Variants in MB21D2 observed in about 807,000 individuals in gnomAD.
The protein encoded by MB21D2 is Mab-21 domain containing 2.
Under a neutral mutation model 33.3 loss-of-function variants are expected in MB21D2, and 9 were observed. The observed-to-expected ratio is 0.27, with a 90% confidence interval of 0.16 to 0.47. The LOEUF is 0.47. Ranked by LOEUF, MB21D2 falls within the 20% of genes least tolerant of loss-of-function variation. The probability of loss-of-function intolerance (pLI) is 0.99; values close to 1 mark genes in which losing one functional copy is unlikely to be tolerated. For synonymous variants in MB21D2, 241 were observed against 236.3 expected (o/e 1.02, Z -0.18); for missense variants, 540 against 624.6 (o/e 0.86, Z 1.44).
chr3:192,815,168 G>A (rs1711893255), intron 1 of MB21D2, among the ~76,000 whole-genome samples: 1 of 152,178 alleles, frequency 6.6e-6, no homozygotes, highest in Non-Finnish European at 1.5e-5. Flanking sequence ...TTATATATGT[G>A]TTCCCCACAC....
At chr3:192,893,515 C>T (rs1445320198) in intron 1 of MB21D2, among the ~76,000 whole-genome samples, 1 of 152,128 alleles carries the variant, frequency 6.6e-6, no homozygotes, top group Non-Finnish European at 1.5e-5. Flanking sequence ...CTGAAGATGA[C>T]ACAGTAAGTG....
intron 1 of MB21D2, among the ~76,000 whole-genome samples, chr3:192,816,249 G>A (rs895880704): frequency 6.6e-6 from 1 of 151,832 alleles, no homozygotes; most frequent in African/African-American, 2.4e-5. Flanking sequence ...TCCGACTTGA[G>A]AAAGGTTATT....
chr3:192,889,157 C>CAAAT (rs1254723825), intron 1 of MB21D2, among the ~76,000 whole-genome samples: 1 of 152,090 alleles, frequency 6.6e-6, no homozygotes, highest in Non-Finnish European at 1.5e-5. Context: ...GATACACACA[C>CAAAT]AAATATACAG....
At chr3:192,828,047 C>T (rs904743318) in intron 1 of MB21D2, among the ~76,000 whole-genome samples, 37 of 152,138 alleles carry the variant, frequency 2.4e-4, no homozygotes, top group African/African-American at 8.7e-4. Flanking sequence ...TCTTGTCTGC[C>T]GCCATATAAG....
chr3:192,817,124 TTCCC>T (rs1297293840), intron 1 of MB21D2, among the ~76,000 whole-genome samples: 1 of 152,142 alleles, frequency 6.6e-6, no homozygotes, highest in East Asian at 1.9e-4. Context: ...ATTCTATCAC[TTCCC>T]TCCCTGTTTT....
At chr3:192,851,142 A>G (rs1360797008) in intron 1 of MB21D2, among the ~76,000 whole-genome samples, 1 of 152,234 alleles carries the variant, frequency 6.6e-6, no homozygotes, top group Non-Finnish European at 1.5e-5. Flanking sequence ...TCCTATAAAC[A>G]AAATGAGGTA....
At chr3:192,811,937 T>A (rs1711796732) in intron 1 of MB21D2, among the ~76,000 whole-genome samples, 1 of 152,220 alleles carries the variant, frequency 6.6e-6, no homozygotes, top group Admixed American at 6.5e-5. Flanking sequence ...GATTATTCTG[T>A]CTCTATTCCT....
intron 1 of MB21D2, among the ~76,000 whole-genome samples, chr3:192,859,835 T>C (rs1295662063): frequency 6.6e-6 from 1 of 152,164 alleles, no homozygotes; most frequent in Non-Finnish European, 1.5e-5. Context: ...GGAAACAATA[T>C]GGAAAAGTAT....
chr3:192,895,923 T>C (rs1352852884), intron 1 of MB21D2, among the ~76,000 whole-genome samples: 1 of 152,196 alleles, frequency 6.6e-6, no homozygotes, highest in East Asian at 1.9e-4. Flanking sequence ...TCAAATTCTT[T>C]GCACAAAGAA....
chr3:192,843,184 T>A (rs961584006), intron 1 of MB21D2, among the ~76,000 whole-genome samples: 4 of 152,210 alleles, frequency 2.6e-5, no homozygotes, highest in Non-Finnish European at 4.4e-5. Context: ...GGGAATAACA[T>A]GATTCAACCC....
chr3:192,914,382 T>C (rs1307070364), intron 1 of MB21D2, among the ~76,000 whole-genome samples: 2 of 152,232 alleles, frequency 1.3e-5, no homozygotes, highest in African/African-American at 4.8e-5. Context: ...GGCTTGTTTC[T>C]TTCCTGCCTT....
chr3:192,881,498 C>T lies in MB21D2; in HGVS notation c.211+36132G>A, dbSNP rs933976215. On this transcript the variant is annotated intron_variant, in intron 1 of 1. Transcript: ENST00000392452. ...AGAAGCTAAATTTAACTGACACACACACAAAATACCCTAAACGTATAGCTT... is the reference window on the plus strand; with the variant it reads ...AGAAGCTAAATTTAACTGACACACATACAAAATACCCTAAACGTATAGCTT... Among the ~76,000 whole-genome samples, 6 of 152,116 alleles carry T rather than the reference C, an allele frequency of 3.9e-5. 1 individual carries two copies. In the South Asian group the frequency reaches 1.0e-3, roughly 26 times the overall value.
At position 192,861,512 on chromosome 3, in the gene MB21D2, T is replaced by C. The variant is rs543934935; in HGVS notation, c.211+56118A>G. 1.2e-4 allele frequency among the ~76,000 whole-genome samples: 19 copies of C among 152,350 alleles called. No homozygotes were observed. In the East Asian group the frequency reaches 1.4e-3, roughly 11 times the overall value. Reference sequence around the variant, plus strand: ...AGCAGCAGCACAGTGACCTTTAACATAGACCCATTTCGGGCCAGGTGCGGT... The same window carrying C: ...AGCAGCAGCACAGTGACCTTTAACACAGACCCATTTCGGGCCAGGTGCGGT... On this transcript the variant is annotated intron_variant, in intron 1 of 1. Transcript: ENST00000392452.
In MB21D2 at chr3:192,915,473, A is replaced by C. The variant is rs900534313; in HGVS notation, c.211+2157T>G. Among the ~76,000 whole-genome samples the C allele has an allele frequency of 2.6e-5, 4 of 152,318 alleles. No individual in the cohort carries two copies. In the East Asian group the frequency reaches 5.8e-4, roughly 22 times the overall value. ...AATGAATGCAGCACCACACACAGGC[A>C]AGCAAGCTCATTTCGCCATCTGCCT... On this transcript the variant is annotated intron_variant, in intron 1 of 1. Coordinates refer to ENST00000392452, the MANE Select transcript of MB21D2 (RefSeq NM_178496.4).
intron 1 of MB21D2, among the ~76,000 whole-genome samples, chr3:192,897,256 C>G (rs911809296): frequency 6.6e-6 from 1 of 152,052 alleles, no homozygotes; most frequent in Non-Finnish European, 1.5e-5. Flanking sequence ...ACAAACAGAA[C>G]GGTTGCATAG....
chr3:192,887,918 A>T (rs1713767748), intron 1 of MB21D2, among the ~76,000 whole-genome samples: 1 of 152,008 alleles, frequency 6.6e-6, no homozygotes, highest in Non-Finnish European at 1.5e-5. Context: ...CTGCACTTCA[A>T]ACAAGCTCCC....
chr3:192,856,516 G>A (rs186792503), intron 1 of MB21D2, among the ~76,000 whole-genome samples: 6 of 152,188 alleles, frequency 3.9e-5, no homozygotes, highest in South Asian at 2.1e-4. Flanking sequence ...TTGCCCTTGC[G>A]TGTTTTCTGA....
chr3:192,900,985 T>C (rs1036735131), intron 1 of MB21D2, among the ~76,000 whole-genome samples: 5 of 150,834 alleles, frequency 3.3e-5, no homozygotes, highest in South Asian at 2.1e-4. Flanking sequence ...AAGGCCTCTG[T>C]TGAAGAAACT....
intron 1 of MB21D2, among the ~76,000 whole-genome samples, chr3:192,898,065 G>A (rs1714016331): frequency 6.6e-6 from 1 of 152,010 alleles, no homozygotes; most frequent in African/African-American, 2.4e-5. Flanking sequence ...TATCTCTCAT[G>A]CAAATATACT....
Sources: allele counts gnomAD v4.1 joint callset (sites outside exome capture counted in the v4.1 genomes callset), GRCh38; gene constraint gnomAD v4.1.1; transcripts MANE v1.5; gene names NCBI Gene and HGNC (gene_info 2026-07-23, HGNC 2026-07-21).